The following F2 variants were observed in gnomAD, a reference collection of about 807,000 sequenced individuals.
The protein encoded by F2 is coagulation factor II, thrombin, also known as prothrombin.
A neutral mutation model predicts 81.9 loss-of-function variants in F2; 34 were observed. The observed-to-expected ratio is 0.42, with a 90% confidence interval of 0.32 to 0.55. F2 has a LOEUF of 0.55. Ranked by LOEUF, F2 falls within the 20% of genes least tolerant of loss-of-function variation. The pLI is 0.18. For synonymous variants in F2, 296 were observed against 326.4 expected (o/e 0.91, Z 1.01); for missense variants, 630 against 833.4 (o/e 0.76, Z 3.00).
At chr11:46,738,231 C>T (rs1003250676) in intron 12 of F2, among the ~76,000 whole-genome samples, 23 of 152,050 alleles carry the variant, frequency 1.5e-4, no homozygotes, top group African/African-American at 5.5e-4. Flanking sequence ...AAACTCCTGA[C>T]TTCATGATCC....
At chr11:46,725,767 G>T in intron 6 of F2, 92 bp from the exon 7 acceptor site, 3 of 1,443,794 alleles carry the variant, frequency 2.1e-6, no homozygotes, top group Non-Finnish European at 2.9e-6. Flanking sequence ...CACACAGGCA[G>T]AAAGCAGCAA....
chr11:46,723,038 T>C lies in F2; in HGVS notation c.317-142T>C. The C allele has an allele frequency of 1.3e-6, 1 of 790,298 alleles. No individual in the cohort carries two copies. Among genetic ancestry groups the C allele is most frequent in the Non-Finnish European group, 2.3e-6 (1 of 436,376 alleles). 49.0% of individuals were successfully genotyped at this position (790,298 alleles called of 1,614,324 possible). On this transcript the variant is annotated intron_variant, in intron 4 of 13. Transcript: ENST00000311907. This position sits in a 1 kb window ranked among gnomAD's most constrained non-coding sequence, Gnocchi z 5.6. ...GTTGAGTGAATGGGAGAACTGCTGG[T>C]TGCAGAGGAAGAGGGGCTGGGTGAA... is the stretch of plus-strand genomic sequence containing the variant.
chr11:46,720,787 C>T lies in F2; in HGVS notation c.266-3C>T, dbSNP rs1048863627. On this transcript the variant is annotated splice_polypyrimidine_tract_variant and splice_region_variant and intron_variant, in intron 3 of 13. Coordinates refer to ENST00000311907, the MANE Select transcript of F2 (RefSeq NM_000506.5). ...CAAAGGTAAACACCTGGGTCTTTTC[C>T]AGCTTGTGAGACAGCGAGGACGCCT... 1.9e-6 allele frequency: 3 copies of T among 1,613,998 alleles called. No homozygotes were observed. The highest frequency in any genetic ancestry group is 2.5e-6 in the Non-Finnish European group (3 of 1,180,036).
chr11:46,739,148 G>A lies in F2; in HGVS notation c.1725+30G>A, dbSNP rs2064962136. ...GCTTCTCTAAAGCCCAGGGCCTGGT[G>A]AACACATCTTCTGGGGGTGGGGAGA... On this transcript the variant is annotated intron_variant, in intron 13 of 13. Coordinates refer to ENST00000311907, the MANE Select transcript of F2 (RefSeq NM_000506.5). The A allele has an allele frequency of 4.3e-6, 7 of 1,614,088 alleles. No individual in the cohort carries two copies. The East Asian group carries it at 1.6e-4, about 36-fold the overall frequency.
In F2 at chr11:46,720,855, C is replaced by T. The variant is rs746524034; in HGVS notation, c.316+15C>T. ...ATGTCTGGAAGGTGAGCAACTGACA[C>T]GGGTTTGGGGAGCAGGACATGGAGG... On this transcript the variant is annotated intron_variant, in intron 4 of 13. Coordinates refer to ENST00000311907, the MANE Select transcript of F2 (RefSeq NM_000506.5). 9.9e-6 allele frequency: 16 copies of T among 1,613,332 alleles called. No individual in the cohort carries two copies. Among genetic ancestry groups the T allele is most frequent in the South Asian group, 4.4e-5 (4 of 91,076 alleles).
intron 9 of F2, among the ~76,000 whole-genome samples, 184 bp from the exon 10 acceptor site, chr11:46,727,812 A>C (rs1268583535): frequency 6.6e-6 from 1 of 152,064 alleles, no homozygotes; most frequent in Non-Finnish European, 1.5e-5. Flanking sequence ...AAAAAGTGTG[A>C]GGCAGCCCCT....
At chr11:46,738,456 T>C (rs922071475) in intron 12 of F2, among the ~76,000 whole-genome samples, 1 of 152,070 alleles carries the variant, frequency 6.6e-6, no homozygotes, top group African/African-American at 2.4e-5. Flanking sequence ...TAATTTAAAT[T>C]TTTTTCTTGG....
At position 46,719,865 on chromosome 11, in the gene F2, G is replaced by A. The variant is rs1439393983; in HGVS notation, c.240+3G>A. 6 of 1,561,736 alleles carry A rather than the reference G, an allele frequency of 3.8e-6. No individual in the cohort carries two copies. The African/African-American group carries it at 8.1e-5, about 21-fold the overall frequency. ...CTCTGGAGTCCTCCACGGCTACGGT[G>A]AGCCTGGGCTGCTCGGACGGTGCCG... On this transcript the variant is annotated splice_donor_region_variant and intron_variant, in intron 2 of 13. Transcript: ENST00000311907. The surrounding 1 kb of genome is among the most constrained non-coding windows in gnomAD (Gnocchi z 4.7).
In F2 at chr11:46,738,189, C is replaced by T. The variant is rs569058764; in HGVS notation, c.1655-859C>T. On this transcript the variant is annotated intron_variant, in intron 12 of 13. Transcript: ENST00000311907. ...CTAATTTTTGTATTTTTAGTAGAGACAGGGTTTCACCACGTTGGCCAGGCT... is the reference window on the plus strand; with the variant it reads ...CTAATTTTTGTATTTTTAGTAGAGATAGGGTTTCACCACGTTGGCCAGGCT... Among the ~76,000 whole-genome samples, 71 of 152,100 alleles carry T rather than the reference C, an allele frequency of 4.7e-4. No homozygotes were observed. The South Asian group carries it at 1.0e-2, about 21-fold the overall frequency.
In F2 at chr11:46,726,176, G is replaced by A; in HGVS notation, c.874+3G>A. 1 of 1,613,272 alleles carries A rather than the reference G, an allele frequency of 6.2e-7. No individual in the cohort carries two copies. ...GTACTGCGACCTCAACTATTGTGGT[G>A]AGCTGCCTGGGTAGGGGGCCTGAGT... is the stretch of plus-strand genomic sequence containing the variant. On this transcript the variant is annotated splice_donor_region_variant and intron_variant, in intron 7 of 13. Coordinates refer to ENST00000311907, the MANE Select transcript of F2 (RefSeq NM_000506.5). The surrounding 1 kb of genome is among the most constrained non-coding windows in gnomAD (Gnocchi z 5.9).
intron 3 of F2, 110 bp downstream of exon 3, chr11:46,720,657 T>C (rs1346643008): frequency 1.3e-6 from 2 of 1,500,078 alleles, no homozygotes; most frequent in Non-Finnish European, 1.9e-6. Flanking sequence ...ATCCACCCCT[T>C]CCCCACTCCT....
chr11:46,723,683 G>T lies in F2; in HGVS notation c.559+165G>T, dbSNP rs1310178774. On this transcript the variant is annotated intron_variant, in intron 6 of 13. Coordinates refer to ENST00000311907, the MANE Select transcript of F2 (RefSeq NM_000506.5). The surrounding 1 kb of genome is among the most constrained non-coding windows in gnomAD (Gnocchi z 5.6). ...AGGCAGGCAGATCACCTGAGGTCAG[G>T]GGTTTGAGACCAGCTGGGCCAACAT... Among the ~76,000 whole-genome samples the T allele has an allele frequency of 6.6e-6, 1 of 152,212 alleles. No individual in the cohort carries two copies. Among genetic ancestry groups the T allele is most frequent in the Non-Finnish European group, 1.5e-5 (1 of 68,036 alleles).
At chr11:46,737,443 T>C (rs1274006630) in intron 12 of F2, among the ~76,000 whole-genome samples, 1 of 28,984 alleles carries the variant, frequency 3.5e-5, no homozygotes, top group East Asian at 4.8e-4. Flanking sequence ...TGCCTGGCCT[T>C]TTTTTTTTTT....
At position 46,720,505 on chromosome 11, in the gene F2, C is replaced by T. The variant is rs2064829560; in HGVS notation, c.241-18C>T. 1.9e-6 allele frequency: 3 copies of T among 1,613,984 alleles called. No homozygotes were observed. Among genetic ancestry groups the T allele is most frequent in the African/African-American group, 1.3e-5 (1 of 74,914 alleles). On this transcript the variant is annotated intron_variant, in intron 2 of 13. Transcript: ENST00000311907. ...AACAGGAGCTGCCGTAGCCTCACTCCCAGCCCTTGTTTTTCAGGATGTGTT... is the reference window on the plus strand; with the variant it reads ...AACAGGAGCTGCCGTAGCCTCACTCTCAGCCCTTGTTTTTCAGGATGTGTT...
At chr11:46,724,047 G>C (rs2064856545) in intron 6 of F2, among the ~76,000 whole-genome samples, 1 of 152,034 alleles carries the variant, frequency 6.6e-6, no homozygotes, top group Non-Finnish European at 1.5e-5. Context: ...CTTCCTTATG[G>C]TCCAGGCTGT....
chr11:46,730,141 A>G (rs2064901989), intron 12 of F2, among the ~76,000 whole-genome samples: 3 of 152,166 alleles, frequency 2.0e-5, no homozygotes. Flanking sequence ...CTCTACTAAA[A>G]ATACAAAAAT....
At position 46,719,416 on chromosome 11, in the gene F2, G is replaced by A. The variant is rs1350202345; in HGVS notation, c.79+102G>A. 7.3e-7 allele frequency: 1 copy of A among 1,374,938 alleles called. No homozygotes were observed. Among genetic ancestry groups the A allele is most frequent in the Non-Finnish European group, 1.0e-6 (1 of 989,804 alleles). 85.2% of individuals were successfully genotyped at this position (1,374,938 alleles called of 1,614,324 possible). ...CAGAGCACACAGAGCTGGCCCCTAA[G>A]TAGGTCTCAGCCCCAGGCGGCCAGC... On this transcript the variant is annotated intron_variant, in intron 1 of 13. Coordinates refer to ENST00000311907, the MANE Select transcript of F2 (RefSeq NM_000506.5). The surrounding 1 kb of genome is among the most constrained non-coding windows in gnomAD (Gnocchi z 4.7).
Position 46,726,900 on chromosome 11 carries a change from C to T in F2, c.1130+63C>T. 1 of 1,607,400 alleles carries T rather than the reference C, an allele frequency of 6.2e-7. No individual in the cohort carries two copies. The highest frequency in any genetic ancestry group is 8.5e-7 in the Non-Finnish European group (1 of 1,175,502). Reference sequence around the variant, plus strand: ...GGGCAGGTGTGCTGCTGGACCCCCACCCTCAGGCCCTGCCTGCAGGCCTGG... The same window carrying T: ...GGGCAGGTGTGCTGCTGGACCCCCATCCTCAGGCCCTGCCTGCAGGCCTGG... On this transcript the variant is annotated intron_variant, in intron 9 of 13. Transcript: ENST00000311907. This position sits in a 1 kb window ranked among gnomAD's most constrained non-coding sequence, Gnocchi z 5.9.
In F2 at chr11:46,720,534, G is replaced by T; in HGVS notation, c.252G>T (p.Trp84Cys). The T allele has an allele frequency of 6.2e-7, 1 of 1,614,092 alleles. No individual in the cohort carries two copies. Among genetic ancestry groups the T allele is most frequent in the Non-Finnish European group, 8.5e-7 (1 of 1,180,020 alleles). The change falls in exon 3 of 14, where the codon TGG (tryptophan) becomes TGT (cysteine). Residue 84 changes from tryptophan to cysteine, a missense_variant. Transcript: ENST00000311907. The part of the protein sequence containing the change: ...LESSTATDVF[W>C]AKYTACETAR... ...CCCTTGTTTTTCAGGATGTGTTCTGGGCCAAGTACACAGGTGAGCACCGGG... is the reference window on the plus strand; with the variant it reads ...CCCTTGTTTTTCAGGATGTGTTCTGTGCCAAGTACACAGGTGAGCACCGGG...
Sources: allele counts gnomAD v4.1 joint callset (sites outside exome capture counted in the v4.1 genomes callset), GRCh38; gene constraint gnomAD v4.1.1; non-coding constraint Gnocchi (gnomAD v3.1); transcripts MANE v1.5; gene names NCBI Gene and HGNC (gene_info 2026-07-23, HGNC 2026-07-21).